Variants in CDH2 observed in about 807,000 individuals in gnomAD.
The protein encoded by CDH2 is cadherin 2, also known as cadherin-2.
Under a neutral mutation model 92.0 loss-of-function variants are expected in CDH2, and 17 were observed. The observed-to-expected ratio is 0.18, with a 90% CI of 0.13 to 0.28. CDH2 has a LOEUF of 0.28. Ranked by LOEUF, CDH2 falls within the 10% of genes least tolerant of loss-of-function variation. The pLI, the probability that CDH2 is intolerant of heterozygous loss-of-function variation, is 1.00. For missense variants in CDH2, 862 were observed against 1,133.1 expected (o/e 0.76, Z 3.44); for synonymous variants, 419 against 415.9 (o/e 1.01, Z -0.09).
At chr18:28,001,584 A>G (rs2144005550) in intron 7 of CDH2, among the ~76,000 whole-genome samples, 1 of 152,098 alleles carries the variant, frequency 6.6e-6, no homozygotes, top group African/African-American at 2.4e-5. Context: ...AGAGGTGAAA[A>G]TATACACATG....
chr18:28,139,058 C>A (rs1454766722), intron 2 of CDH2, among the ~76,000 whole-genome samples: 2 of 151,980 alleles, frequency 1.3e-5, no homozygotes, highest in Non-Finnish European at 2.9e-5. Context: ...TCTGCCATTT[C>A]TGTGAAGAAA....
chr18:28,143,497 C>T lies in CDH2; in HGVS notation c.172+4176G>A, dbSNP rs146814918. ...CTTGTAAACAGGTGTGTACAAAATA[C>T]TAACAGTGACAATAATTGAAAGATG... On this transcript the variant is annotated intron_variant, in intron 2 of 15. Transcript: ENST00000269141. Among the ~76,000 whole-genome samples the T allele has an allele frequency of 8.6e-5, 13 of 151,862 alleles. No homozygotes were observed. The East Asian group carries it at 2.5e-3, about 30-fold the overall frequency.
At chr18:28,172,538 G>A (rs2016480615) in intron 1 of CDH2, among the ~76,000 whole-genome samples, 1 of 152,116 alleles carries the variant, frequency 6.6e-6, no homozygotes, top group Non-Finnish European at 1.5e-5. Flanking sequence ...ACAGAAATGT[G>A]AGACACAGTG....
At chr18:27,943,644 G>C (rs2143837405) in intron 6 of CDH2, among the ~76,000 whole-genome samples, 1 of 152,268 alleles carries the variant, frequency 6.6e-6, no homozygotes, top group Non-Finnish European at 1.5e-5. Flanking sequence ...AATATGCCAA[G>C]TCCACAGCCC....
intron 2 of CDH2, among the ~76,000 whole-genome samples, chr18:28,101,800 G>T (rs2015231477): frequency 6.6e-6 from 1 of 151,864 alleles, no homozygotes; most frequent in Non-Finnish European, 1.5e-5. Context: ...TAATTTCCTT[G>T]ATTGCTTAAG....
intron 2 of CDH2, among the ~76,000 whole-genome samples, chr18:28,115,628 A>G (rs2015484891): frequency 6.6e-6 from 1 of 152,300 alleles, no homozygotes; most frequent in South Asian, 2.1e-4. Flanking sequence ...AGAACCACAC[A>G]GGAACCACCA....
At chr18:28,058,593 C>A (rs1020315649) in intron 2 of CDH2, among the ~76,000 whole-genome samples, 22 of 152,264 alleles carry the variant, frequency 1.4e-4, no homozygotes, top group Admixed American at 8.5e-4. Flanking sequence ...TGACTTTTAT[C>A]CCTCTTAATT....
chr18:28,070,343 T>C (rs531910903), intron 2 of CDH2, among the ~76,000 whole-genome samples: 8 of 152,286 alleles, frequency 5.3e-5, no homozygotes, highest in African/African-American at 1.4e-4. Flanking sequence ...TACAACCCTA[T>C]GAGATAGGTA....
intron 15 of CDH2, among the ~76,000 whole-genome samples, chr18:27,959,728 C>A (rs578239713): frequency 6.6e-6 from 1 of 152,134 alleles, no homozygotes; most frequent in African/African-American, 2.4e-5. Context: ...TTAAAACTAT[C>A]GTTTTGATTG....
intron 2 of CDH2, among the ~76,000 whole-genome samples, chr18:28,135,674 C>T (rs2015849777): frequency 6.6e-6 from 1 of 152,142 alleles, no homozygotes; most frequent in Admixed American, 6.5e-5. Context: ...AGATGCCATA[C>T]CAGATCTCAG....
chr18:28,022,332 C>T (rs1011231647), intron 2 of CDH2, among the ~76,000 whole-genome samples: 2 of 151,888 alleles, frequency 1.3e-5, no homozygotes, highest in Admixed American at 1.3e-4. Context: ...TTCTTTATAG[C>T]ATATAATTAT....
At chr18:28,110,296 A>G (rs578137456) in intron 2 of CDH2, among the ~76,000 whole-genome samples, 1 of 152,346 alleles carries the variant, frequency 6.6e-6, no homozygotes, top group South Asian at 2.1e-4. Context: ...TGTCAGCCAC[A>G]TGCTTTCACT....
At chr18:28,174,527 AG>A (rs1245783783) in intron 1 of CDH2, among the ~76,000 whole-genome samples, 9 of 152,266 alleles carry the variant, frequency 5.9e-5, no homozygotes, top group Admixed American at 5.9e-4. Context: ...TTGATGAGAA[AG>A]TTATAATTTC....
At chr18:27,942,780 G>A (rs2143836417) in intron 6 of CDH2, among the ~76,000 whole-genome samples, 1 of 152,236 alleles carries the variant, frequency 6.6e-6, no homozygotes, top group South Asian at 2.1e-4. Context: ...AAACATGTCG[G>A]CCAGAGATGG....
intron 6 of CDH2, among the ~76,000 whole-genome samples, chr18:27,944,757 A>T (rs1336734438): frequency 1.4e-5 from 2 of 146,512 alleles, no homozygotes; most frequent in Non-Finnish European, 1.5e-5. Flanking sequence ...TCCTTTCTAA[A>T]AAAAAAAAAA....
At chr18:27,943,385 A>T (rs1418766639) in intron 6 of CDH2, among the ~76,000 whole-genome samples, 1 of 152,186 alleles carries the variant, frequency 6.6e-6, no homozygotes, top group Non-Finnish European at 1.5e-5. Context: ...CATCTCAAGA[A>T]ATCAGGAAAA....
intron 2 of CDH2, among the ~76,000 whole-genome samples, chr18:28,130,458 C>T (rs1010601434): frequency 3.3e-5 from 5 of 152,190 alleles, no homozygotes; most frequent in African/African-American, 7.2e-5. Context: ...AGTGCAGTAT[C>T]GTGATGTAAA....
intron 2 of CDH2, among the ~76,000 whole-genome samples, chr18:28,124,251 T>G (rs1344403348): frequency 6.6e-6 from 1 of 152,144 alleles, no homozygotes; most frequent in Non-Finnish European, 1.5e-5. Flanking sequence ...TCTGCTCATT[T>G]TCATTTTCAT....
chr18:27,958,554 T>C (rs1428398202), intron 15 of CDH2, among the ~76,000 whole-genome samples: 2 of 149,904 alleles, frequency 1.3e-5, no homozygotes, highest in Admixed American at 1.3e-4. Flanking sequence ...AATACGTGTA[T>C]ATTTATATAT....
Sources: gnomAD v4.1 joint callset for allele counts (sites outside exome capture counted in the v4.1 genomes callset) on GRCh38, gnomAD v4.1.1 for gene constraint, MANE v1.5 for transcripts, NCBI Gene and HGNC (gene_info 2026-07-23, HGNC 2026-07-21) for gene names.